ATP11A: variants seen among roughly 807,000 people sequenced by gnomAD.
The protein encoded by ATP11A is ATPase phospholipid transporting 11A.
Under a neutral mutation model 154.4 loss-of-function variants are expected in ATP11A, and 81 were observed. The observed-to-expected ratio is 0.52, with a 90% CI of 0.44 to 0.63. The LOEUF is 0.63. Ranked by LOEUF, ATP11A falls within the 30% of genes least tolerant of loss-of-function variation. The pLI is 0.00. For missense variants in ATP11A, 1,316 were observed against 1,474.3 expected, an observed-to-expected ratio of 0.89 and a Z score of 1.76; for synonymous variants, 623 against 585.9, an observed-to-expected ratio of 1.06 and a Z score of -0.91.
intron 1 of ATP11A, among the ~76,000 whole-genome samples, chr13:112,722,835 A>G (rs752952822): frequency 6.6e-6 from 1 of 152,254 alleles, no homozygotes; most frequent in Non-Finnish European, 1.5e-5. Flanking sequence ...GGCAGGAGTC[A>G]TAGGAAAGAC....
intron 25 of ATP11A, among the ~76,000 whole-genome samples, chr13:112,870,711 C>T (rs1232288804): frequency 2.0e-5 from 3 of 152,176 alleles, no homozygotes; most frequent in African/African-American, 4.8e-5. Flanking sequence ...AAATTCCCTG[C>T]GAGGTGCAGT....
intron 26 of ATP11A, among the ~76,000 whole-genome samples, chr13:112,872,154 T>A (rs919046543): frequency 1.3e-5 from 2 of 152,254 alleles, no homozygotes; most frequent in Non-Finnish European, 2.9e-5. Flanking sequence ...TGAAACAAAT[T>A]AATGTATTTT....
In ATP11A at chr13:112,754,246, C is replaced by T. The variant is rs1268541147; in HGVS notation, c.40-30889C>T. 1.3e-5 allele frequency among the ~76,000 whole-genome samples: 2 copies of T among 152,248 alleles called. No homozygotes were observed. The highest frequency in any genetic ancestry group is 6.5e-5 in the Admixed American group (1 of 15,290). On this transcript the variant is annotated intron_variant, in intron 1 of 29. Coordinates refer to ENST00000375645, the MANE Select transcript of ATP11A (RefSeq NM_015205.3). This position sits in a 1 kb window ranked among gnomAD's most constrained non-coding sequence, Gnocchi z 5.3. ...CCGTGGAATAACAGGGCCGGGTTCT[C>T]ACTGGCGGGACTGTTCACCTCTGCA...
intron 1 of ATP11A, among the ~76,000 whole-genome samples, chr13:112,770,532 A>G (rs1289180311): frequency 6.6e-6 from 1 of 152,252 alleles, no homozygotes; most frequent in Non-Finnish European, 1.5e-5. Context: ...GGACAGAGGG[A>G]TGGGCGTGCC....
intron 27 of ATP11A, among the ~76,000 whole-genome samples, chr13:112,874,263 G>A (rs374203415): frequency 2.6e-5 from 4 of 152,292 alleles, no homozygotes; most frequent in South Asian, 2.1e-4. Flanking sequence ...AGTGGGAGCC[G>A]TGGCCAGCGG....
intron 29 of ATP11A, chr13:112,881,611 G>A (rs527987181): frequency 1.4e-5 from 17 of 1,186,920 alleles, no homozygotes; most frequent in African/African-American, 1.6e-5. Flanking sequence ...CTCATTCCTA[G>A]ACAGAGACCC....
At position 112,722,822 on chromosome 13, in the gene ATP11A, G is replaced by A. The variant is rs548435657; in HGVS notation, c.39+32367G>A. On this transcript the variant is annotated intron_variant, in intron 1 of 29. Transcript: ENST00000375645. ...GCTGGTTGGATGTTACACATTTCAG[G>A]GAGGCAGGAGTCATAGGAAAGACGT... Among the ~76,000 whole-genome samples the A allele has an allele frequency of 2.6e-5, 4 of 152,342 alleles. No individual in the cohort carries two copies. The South Asian group carries it at 8.3e-4, about 32-fold the overall frequency.
intron 1 of ATP11A, among the ~76,000 whole-genome samples, chr13:112,776,394 A>G (rs1348060422): frequency 6.6e-6 from 1 of 152,094 alleles, no homozygotes; most frequent in African/African-American, 2.4e-5. Flanking sequence ...TAACGGGGAA[A>G]TGTGGGGAGG....
At chr13:112,813,699 G>T (rs2078566329) in intron 5 of ATP11A, among the ~76,000 whole-genome samples, 1 of 152,002 alleles carries the variant, frequency 6.6e-6, no homozygotes, top group Non-Finnish European at 1.5e-5. Context: ...TTTCCAGCAT[G>T]GCCATCCCAT....
intron 2 of ATP11A, among the ~76,000 whole-genome samples, chr13:112,794,404 C>CG (rs1385926845): frequency 2.0e-5 from 3 of 152,198 alleles, no homozygotes. Flanking sequence ...AGTGCAGTCA[C>CG]GACCCTTTAA....
intron 1 of ATP11A, among the ~76,000 whole-genome samples, chr13:112,758,774 C>T (rs1450386669): frequency 1.3e-5 from 2 of 152,216 alleles, no homozygotes; most frequent in Admixed American, 6.5e-5. Context: ...AAATCAAATA[C>T]TCCAGCAACT....
intron 11 of ATP11A, among the ~76,000 whole-genome samples, 153 bp from the exon 12 acceptor site, chr13:112,826,540 TC>T (rs150672524): frequency 0.039 from 5,921 of 152,248 alleles, 381 homozygotes; most frequent in African/African-American, 0.14. Flanking sequence ...GTGGCTGCCT[TC>T]CGCCCATAGT....
rs1384125322 is a variant in ATP11A, at chr13:112,697,028, T to A, written c.39+6573T>A. ...CGGGTGGAGGATGCGTGGGGCGCAG[T>A]GCTTGCGCGCAGTGGGTGGCGGGGT... On this transcript the variant is annotated intron_variant, in intron 1 of 29. Coordinates refer to ENST00000375645, the MANE Select transcript of ATP11A (RefSeq NM_015205.3). This position sits in a 1 kb window ranked among gnomAD's most constrained non-coding sequence, Gnocchi z 4.0. 6.6e-6 allele frequency: 1 copy of A among 152,612 alleles called. No individual in the cohort carries two copies. The highest frequency in any genetic ancestry group is 1.5e-5 in the Non-Finnish European group (1 of 68,392). 9.5% of individuals were successfully genotyped at this position (152,612 alleles called of 1,614,324 possible).
At chr13:112,853,252 A>C (rs112295490) in intron 18 of ATP11A, among the ~76,000 whole-genome samples, 62 of 151,906 alleles carry the variant, frequency 4.1e-4, no homozygotes, top group African/African-American at 9.9e-4. Flanking sequence ...CTCTCTATAT[A>C]TATATATATG....
chr13:112,693,483 T>G, intron 1 of ATP11A, among the ~76,000 whole-genome samples: 1 of 134,932 alleles, frequency 7.4e-6, no homozygotes, highest in Non-Finnish European at 1.6e-5. Context: ...GGGGACGGGG[T>G]GGAGAGTGTG....
At chr13:112,735,780 C>T (rs1359798718) in intron 1 of ATP11A, among the ~76,000 whole-genome samples, 1 of 152,226 alleles carries the variant, frequency 6.6e-6, no homozygotes, top group Non-Finnish European at 1.5e-5. Context: ...CACCTAACAT[C>T]GCTTACATTT....
chr13:112,785,371 C>T lies in ATP11A; in HGVS notation c.162+114C>T. On this transcript the variant is annotated intron_variant, in intron 2 of 29. Transcript: ENST00000375645. This position sits in a 1 kb window ranked among gnomAD's most constrained non-coding sequence, Gnocchi z 4.8. ...CTGCTCCTGGCCCTGCTGTCACAGC[C>T]ACCAGCCACCCCCAGCAAGGGCTTC... 7.4e-6 allele frequency: 9 copies of T among 1,218,196 alleles called. No homozygotes were observed. Among genetic ancestry groups the T allele is most frequent in the Non-Finnish European group, 9.6e-6 (9 of 940,696 alleles). The allele number at this position is 1,218,196 out of a possible 1,614,324, so 75.5% of individuals were successfully genotyped here.
intron 1 of ATP11A, among the ~76,000 whole-genome samples, chr13:112,721,710 G>A (rs554723844): frequency 1.3e-5 from 2 of 152,322 alleles, no homozygotes; most frequent in East Asian, 1.9e-4. Flanking sequence ...TGGGCTTCCC[G>A]GGGTCATGAA....
At chr13:112,841,069 C>T (rs1468882394) in intron 16 of ATP11A, among the ~76,000 whole-genome samples, 3 of 152,392 alleles carry the variant, frequency 2.0e-5, no homozygotes, top group Non-Finnish European at 2.9e-5. Context: ...CGTAGCACGG[C>T]GTTTCCCTGC....
Sources: allele counts gnomAD v4.1 joint callset (sites outside exome capture counted in the v4.1 genomes callset), GRCh38; gene constraint gnomAD v4.1.1; non-coding constraint Gnocchi (gnomAD v3.1); transcripts MANE v1.5; gene names NCBI Gene and HGNC (gene_info 2026-07-23, HGNC 2026-07-21).